The following C1orf185 variants were observed in gnomAD, a reference collection of about 807,000 sequenced individuals.
C1orf185 encodes chromosome 1 open reading frame 185.
In C1orf185, 13 loss-of-function variants were observed where a neutral mutation model predicts 16.1. The observed-to-expected ratio is 0.81, with a 90% CI of 0.53 to 1.28. The LOEUF is 1.28. C1orf185 is among the 50% of genes most tolerant of loss of function. The probability of loss-of-function intolerance (pLI) is 0.00; values close to 1 mark genes in which losing one functional copy is unlikely to be tolerated. For synonymous variants in C1orf185, 80 were observed against 76.9 expected, an observed-to-expected ratio of 1.04 and a Z score of -0.21; for missense variants, 220 against 225.2, an observed-to-expected ratio of 0.98 and a Z score of 0.15.
chr1:51,125,413 G>A (rs1335894405), intron 3 of C1orf185, among the ~76,000 whole-genome samples: 2 of 152,098 alleles, frequency 1.3e-5, no homozygotes, highest in East Asian at 3.9e-4. Context: ...TAGCAGTAGG[G>A]TTTTTAGTTT....
intron 4 of C1orf185, among the ~76,000 whole-genome samples, chr1:51,146,623 C>T (rs1007282983): frequency 1.3e-5 from 2 of 151,898 alleles, no homozygotes; most frequent in Admixed American, 6.6e-5. Context: ...AGCCTAAATA[C>T]TATAATGGGA....
downstream of C1orf185, among the ~76,000 whole-genome samples, chr1:51,149,864 A>G (rs909988758): frequency 1.3e-5 from 2 of 152,238 alleles, no homozygotes; most frequent in East Asian, 3.8e-4. Flanking sequence ...TTCATGAAGT[A>G]TGGCTATAAA....
intron 1 of C1orf185, among the ~76,000 whole-genome samples, chr1:51,107,046 C>T (rs1225777688): frequency 1.7e-4 from 26 of 152,144 alleles, no homozygotes; most frequent in African/African-American, 6.0e-4. Context: ...CGTGAGCCAC[C>T]GCGCCTGGCC....
At chr1:51,149,124 C>T (rs576214463), downstream of C1orf185, among the ~76,000 whole-genome samples, 4 of 152,178 alleles carry the variant, frequency 2.6e-5, no homozygotes, top group South Asian at 2.1e-4. Context: ...GTCTGACACT[C>T]GCTATGTAAT....
At chr1:51,121,090 A>T (rs1646194071) in intron 3 of C1orf185, among the ~76,000 whole-genome samples, 1 of 152,174 alleles carries the variant, frequency 6.6e-6, no homozygotes, top group Non-Finnish European at 1.5e-5. Flanking sequence ...TATCTCACAT[A>T]CTTGTCATTT....
rs1379457479 is a variant in C1orf185, at chr1:51,124,080, TG to T, written c.258+5280del. On this transcript the variant is annotated intron_variant, in intron 3 of 4. Transcript: ENST00000371759. ...TATCTCTTGGTATTTCACTGTAGTT[TG>T]TTTTTTTTTTTTTTTTTTTTGAGAC... 1.5e-4 allele frequency among the ~76,000 whole-genome samples: 22 copies of T among 149,222 alleles called. No homozygotes were observed. The South Asian group carries it at 2.3e-3, about 16-fold the overall frequency.
intron 1 of C1orf185, among the ~76,000 whole-genome samples, chr1:51,107,960 G>T (rs1322594957): frequency 6.6e-6 from 1 of 152,130 alleles, no homozygotes; most frequent in Non-Finnish European, 1.5e-5. Flanking sequence ...AAATATTTTA[G>T]TACATGTTTT....
At chr1:51,133,420 A>T (rs1174404097) in intron 3 of C1orf185, among the ~76,000 whole-genome samples, 1 of 152,220 alleles carries the variant, frequency 6.6e-6, no homozygotes, top group African/African-American at 2.4e-5. Context: ...TTCAGACAAA[A>T]CAGACTTCAA....
chr1:51,126,253 T>C (rs1324445918), intron 3 of C1orf185, among the ~76,000 whole-genome samples: 1 of 152,082 alleles, frequency 6.6e-6, no homozygotes, highest in Non-Finnish European at 1.5e-5. Flanking sequence ...TATAATTACA[T>C]TGTTAGTTTT....
At chr1:51,133,400 C>A (rs1446362493) in intron 3 of C1orf185, among the ~76,000 whole-genome samples, 2 of 152,098 alleles carry the variant, frequency 1.3e-5, no homozygotes, top group Non-Finnish European at 2.9e-5. Context: ...GCAGGAGTTG[C>A]AATCATAGTT....
At chr1:51,143,525 C>T (rs1646380264) in intron 3 of C1orf185, among the ~76,000 whole-genome samples, 1 of 152,090 alleles carries the variant, frequency 6.6e-6, no homozygotes, top group African/African-American at 2.4e-5. Context: ...TTGATATGTT[C>T]CCATCATTTT....
chr1:51,151,024 G>C (rs553285955), downstream of C1orf185, among the ~76,000 whole-genome samples: 4 of 152,312 alleles, frequency 2.6e-5, no homozygotes, highest in South Asian at 6.2e-4. Context: ...TAGGCAATCT[G>C]TTTCTGCTCA....
chr1:51,145,737 A>G lies in C1orf185; in HGVS notation c.272A>G (p.Lys91Arg), dbSNP rs376923313. The G allele has an allele frequency of 2.9e-5, 38 of 1,317,994 alleles. No individual in the cohort carries two copies. The African/African-American group carries it at 4.8e-4, about 17-fold the overall frequency. The allele number at this position is 1,317,994 out of a possible 1,614,324, so 81.6% of individuals were successfully genotyped here. Residue 91 changes from lysine to arginine, a missense_variant, in exon 4 of 5, where the codon AAA (lysine) becomes AGA (arginine). Transcript: ENST00000371759. ...GRFQLQEEQR[K>R]KEAAHIKAIK... ...TTTTTAATGTAGGAGGAGCAAAGAA[A>G]AAAGGAAGCAGCACATATAAAAGGT...
At chr1:51,150,232 C>T (rs931962704), downstream of C1orf185, among the ~76,000 whole-genome samples, 4 of 150,412 alleles carry the variant, frequency 2.7e-5, no homozygotes, top group African/African-American at 9.8e-5. Context: ...CACTCTGTCA[C>T]CCGGGCTAGA....
intron 3 of C1orf185, among the ~76,000 whole-genome samples, chr1:51,141,685 A>C (rs895294658): frequency 6.6e-6 from 1 of 152,084 alleles, no homozygotes; most frequent in Non-Finnish European, 1.5e-5. Context: ...TTGTTTCTGA[A>C]CCACTTAAAA....
At chr1:51,125,475 A>G (rs893845833) in intron 3 of C1orf185, among the ~76,000 whole-genome samples, 2 of 152,122 alleles carry the variant, frequency 1.3e-5, no homozygotes, top group African/African-American at 4.8e-5. Flanking sequence ...CTTTATTTCT[A>G]TATTCTTGAA....
intron 3 of C1orf185, among the ~76,000 whole-genome samples, chr1:51,123,946 T>TACAC (rs369268032): frequency 1.5e-4 from 23 of 149,302 alleles, no homozygotes; most frequent in South Asian, 8.5e-4. Flanking sequence ...TGTATATATA[T>TACAC]ACACACACAC....
intron 3 of C1orf185, among the ~76,000 whole-genome samples, chr1:51,142,793 T>C (rs1646373883): frequency 6.6e-6 from 1 of 152,134 alleles, no homozygotes; most frequent in South Asian, 2.1e-4. Context: ...TTTTTATTTA[T>C]AGGCAGAGTC....
At chr1:51,132,033 G>A (rs1484325371) in intron 3 of C1orf185, among the ~76,000 whole-genome samples, 1 of 152,202 alleles carries the variant, frequency 6.6e-6, no homozygotes, top group Non-Finnish European at 1.5e-5. Context: ...AATGAAGCCA[G>A]TTGGCTGAAT....
Sources: gnomAD v4.1 joint callset for allele counts (sites outside exome capture counted in the v4.1 genomes callset) on GRCh38, gnomAD v4.1.1 for gene constraint, MANE v1.5 for transcripts, NCBI Gene and HGNC (gene_info 2026-07-23, HGNC 2026-07-21) for gene names.